Variants in PCNT observed in about 807,000 individuals in gnomAD.
PCNT encodes the protein pericentrin.
In PCNT, 319 loss-of-function variants were observed where a neutral mutation model predicts 380.4. That is an observed-to-expected ratio of 0.84 (90% CI 0.77 to 0.92). The LOEUF is 0.92. Ranked by LOEUF, PCNT falls within the 40% of genes least tolerant of loss-of-function variation. The pLI is 0.00. For synonymous variants in PCNT, 1,845 were observed against 1,735.2 expected (o/e 1.06, Z -1.57); for missense variants, 4,400 against 4,255.3 (o/e 1.03, Z -0.95).
At chr21:46,325,549 C>G (rs964539655) in intron 1 of PCNT, among the ~76,000 whole-genome samples, 1 of 152,216 alleles carries the variant, frequency 6.6e-6, no homozygotes, top group African/African-American at 2.4e-5. Context: ...AGACCATTTT[C>G]TTGTGTAAAT....
chr21:46,327,477 T>C (rs532490808), intron 2 of PCNT, among the ~76,000 whole-genome samples: 1 of 152,276 alleles, frequency 6.6e-6, no homozygotes, highest in African/African-American at 2.4e-5. Flanking sequence ...CACAGGTCAC[T>C]GCAGCCTCAA....
At chr21:46,422,385 T>G (rs1250617989) in intron 32 of PCNT, among the ~76,000 whole-genome samples, 3 of 151,364 alleles carry the variant, frequency 2.0e-5, no homozygotes, top group African/African-American at 4.9e-5. Flanking sequence ...GCAGGTGGTG[T>G]TGCCCCGAGT....
In PCNT at chr21:46,438,226, C is replaced by T. The variant is rs1354399689; in HGVS notation, c.9162C>T (p.Ser3054=). The change falls in exon 41 of 47, where the codon TCC becomes TCT. Residue 3054 remains serine (S), a synonymous_variant. Transcript: ENST00000359568. ...ACGTCCTGCTGAAAGACAATGTTTC[C>T]CTCACAAAAGCGCTCAGCACGGTGA... The part of the protein sequence containing the change: ...FVDVLLKDNV[S]LTKALSTVTQ... The T allele has an allele frequency of 1.2e-6, 2 of 1,614,134 alleles. No homozygotes were observed. The highest frequency in any genetic ancestry group is 4.5e-5 in the East Asian group (2 of 44,884).
At chr21:46,410,632 G>C (rs893294184) in intron 27 of PCNT, among the ~76,000 whole-genome samples, 3 of 152,270 alleles carry the variant, frequency 2.0e-5, no homozygotes, top group Admixed American at 2.0e-4. Context: ...TCCTTACATG[G>C]CTGAGGATTA....
chr21:46,350,628 A>G (rs1601806055), intron 8 of PCNT, among the ~76,000 whole-genome samples: 1 of 152,144 alleles, frequency 6.6e-6, no homozygotes, highest in East Asian at 1.9e-4. Flanking sequence ...AGAATATGGA[A>G]GTAGTTGGGG....
Position 46,431,970 on chromosome 21 carries a change from GAGA to G in PCNT, c.8509_8511del (p.Lys2837del), listed in dbSNP as rs752420844. ...GAAGCACTGTGAGGCGCTCAGGAGA[GAGA>G]AGGAGGTAAGTGCCACACTGAAGTC... On this transcript the variant is annotated inframe_deletion, in exon 38 of 47. Transcript: ENST00000359568. 5.0e-6 allele frequency: 8 copies of G among 1,614,032 alleles called. No individual in the cohort carries two copies. Among genetic ancestry groups the G allele is most frequent in the Non-Finnish European group, 6.8e-6 (8 of 1,180,050 alleles).
chr21:46,375,679 G>A lies in PCNT; in HGVS notation c.3166-6015G>A, dbSNP rs140616261. Among the ~76,000 whole-genome samples, 42 of 152,302 alleles carry A rather than the reference G, an allele frequency of 2.8e-4. No homozygotes were observed. In the East Asian group the frequency reaches 7.7e-3, roughly 28 times the overall value. The stretch of plus-strand genomic sequence containing the variant: ...CATTGTGGCCGAGCCGAGGCCCTGG[G>A]CCTGAGGGATCACATGTGGGGCACT... On this transcript the variant is annotated intron_variant, in intron 15 of 46. Transcript: ENST00000359568.
Position 46,349,037 on chromosome 21 carries a change from A to C in PCNT, c.1058A>C (p.Glu353Ala). Residue 353 changes from glutamate (E) to alanine (A), a missense_variant, in exon 7 of 47, where the codon GAA becomes GCA. Physicochemically the swap from Glu to Ala is moderately radical, Grantham distance 107 (BLOSUM62 -1). Coordinates refer to ENST00000359568, the MANE Select transcript of PCNT (RefSeq NM_006031.6). ...VKTLKEDWES[E>A]KDLCLENLRK... The stretch of plus-strand genomic sequence containing the variant: ...ACCCTGAAGGAAGATTGGGAATCTG[A>C]AAAAGATTTATGTTTAGAAAATCTA... 5 of 1,602,176 alleles carry C rather than the reference A, an allele frequency of 3.1e-6. No homozygotes were observed. In the South Asian group the frequency reaches 5.5e-5, roughly 18 times the overall value.
At chr21:46,417,460 G>A (rs2087077170) in intron 30 of PCNT, among the ~76,000 whole-genome samples, 1 of 152,012 alleles carries the variant, frequency 6.6e-6, no homozygotes, top group East Asian at 1.9e-4. Context: ...CCAAAGTGCT[G>A]GGCTTACAGG....
At chr21:46,333,981 C>T (rs541679274) in intron 2 of PCNT, among the ~76,000 whole-genome samples, 72 of 151,878 alleles carry the variant, frequency 4.7e-4, no homozygotes, top group African/African-American at 9.4e-4. Context: ...CCAAGGCGGG[C>T]GGATCACGAG....
At position 46,346,874 on chromosome 21, in the gene PCNT, C is replaced by G; in HGVS notation, c.852C>G (p.Leu284=). 1 of 1,607,680 alleles carries G rather than the reference C, an allele frequency of 6.2e-7. No homozygotes were observed. Among genetic ancestry groups the G allele is most frequent in the Non-Finnish European group, 8.5e-7 (1 of 1,177,840 alleles). The change falls in exon 5 of 47, where the codon CTC becomes CTG. Residue 284 remains leucine, a synonymous_variant. Coordinates refer to ENST00000359568, the MANE Select transcript of PCNT (RefSeq NM_006031.6). ...CATTGACGGAGCTGCGGGAGATGCT[C>G]AACAGCCGGCGTGCCCAGGAGCTGG... is the stretch of plus-strand genomic sequence containing the variant. ...ETALTELREM[L]NSRRAQELAL... is the part of the protein sequence containing the mutation.
intron 32 of PCNT, among the ~76,000 whole-genome samples, chr21:46,423,689 G>A (rs563354339): frequency 3.8e-4 from 50 of 131,184 alleles, no homozygotes; most frequent in Admixed American, 1.5e-4. Context: ...CAGCAGCTGC[G>A]AAGCAGAGGA....
At chr21:46,364,378 C>T (rs915610100) in intron 14 of PCNT, among the ~76,000 whole-genome samples, 90 of 152,080 alleles carry the variant, frequency 5.9e-4, no homozygotes, top group African/African-American at 2.1e-3. Flanking sequence ...TGTGTTTGGA[C>T]GGGCAGGCTG....
rs1242060230 is a variant in PCNT at position 46,334,536 on chromosome 21, G to A, written c.407G>A (p.Gly136Asp). The change falls in exon 3 of 47, where the codon GGT becomes GAT. Residue 136 changes from glycine (G) to aspartate (D), a missense_variant. Physicochemically the swap from Gly to Asp is moderately conservative, Grantham distance 94. Transcript: ENST00000359568. ...GAACAGCATGGGATGTTCACAGTCG[G>A]TGACCACCCACCAGAACAGCGTGGG... is the stretch of plus-strand genomic sequence containing the variant. The part of the protein sequence containing the change: ...PPEQHGMFTV[G>D]DHPPEQRGMF... 6.2e-7 allele frequency: 1 copy of A among 1,600,942 alleles called. No homozygotes were observed. The highest frequency in any genetic ancestry group is 1.7e-5 in the Admixed American group (1 of 59,670).
chr21:46,351,570 C>T (rs777630795), intron 9 of PCNT, 30 bp downstream of exon 9: 3 of 1,238,158 alleles, frequency 2.4e-6, no homozygotes, highest in South Asian at 1.2e-5. Context: ...AATTCAGATC[C>T]TCAAAAGCTG....
intron 15 of PCNT, among the ~76,000 whole-genome samples, chr21:46,369,223 G>A (rs1455004274): frequency 6.6e-6 from 1 of 152,172 alleles, no homozygotes; most frequent in African/African-American, 2.4e-5. Context: ...GGAGTCCTGG[G>A]GATGTGTTTT....
Position 46,391,153 on chromosome 21 carries a change from C to A in PCNT, c.4004-11C>A. On this transcript the variant is annotated splice_polypyrimidine_tract_variant and intron_variant, in intron 20 of 46. Coordinates refer to ENST00000359568, the MANE Select transcript of PCNT (RefSeq NM_006031.6). ...ACTGGCTTTGTCAGAGCATCTGTGT[C>A]TCCCACAAAGGTACCCTTGAGGGAT... 1.3e-6 allele frequency: 2 copies of A among 1,571,916 alleles called. No homozygotes were observed. The highest frequency in any genetic ancestry group is 1.7e-6 in the Non-Finnish European group (2 of 1,157,416).
At position 46,363,529 on chromosome 21, in the gene PCNT, A is replaced by C; in HGVS notation, c.2204A>C (p.Lys735Thr). Residue 735 changes from lysine to threonine, a missense_variant, in exon 14 of 47, where the codon AAG becomes ACG. Coordinates refer to ENST00000359568, the MANE Select transcript of PCNT (RefSeq NM_006031.6). ...CACCAGAAGGAACTAAATAATGCTA[A>C]GCAAAAGACTGAGCTGATGAAACAG... ...EDHQKELNNA[K>T]QKTELMKQEF... The C allele has an allele frequency of 6.2e-7, 1 of 1,614,082 alleles. No homozygotes were observed. The highest frequency in any genetic ancestry group is 8.5e-7 in the Non-Finnish European group (1 of 1,179,994).
chr21:46,371,922 C>G (rs1348866914), intron 15 of PCNT, among the ~76,000 whole-genome samples: 1 of 149,782 alleles, frequency 6.7e-6, no homozygotes. Flanking sequence ...GCGCACACAG[C>G]ACATGCGCAT....
Sources: gnomAD v4.1 joint callset for allele counts (sites outside exome capture counted in the v4.1 genomes callset) on GRCh38, gnomAD v4.1.1 for gene constraint, MANE v1.5 for transcripts, NCBI Gene and HGNC (gene_info 2026-07-23, HGNC 2026-07-21) for gene names.